Variants in C17orf114 observed in about 807,000 individuals in gnomAD.
C17orf114 encodes chromosome 17 open reading frame 114.
upstream of C17orf114, among the ~76,000 whole-genome samples, chr17:4,803,804 C>T (rs1905574938): frequency 6.6e-6 from 1 of 151,830 alleles, no homozygotes; most frequent in Non-Finnish European, 1.5e-5. Flanking sequence ...TCACTGCAAC[C>T]TCCGTCTCCA....
chr17:4,806,922 CT>C (rs998660202), upstream of C17orf114: 11 of 149,582 alleles, frequency 7.4e-5, no homozygotes, highest in African/African-American at 1.9e-4. Context: ...CCGGGCAGCA[CT>C]TACCCGCCGC....
At chr17:4,806,354 C>T (rs1017816590), upstream of C17orf114, among the ~76,000 whole-genome samples, 48 of 152,258 alleles carry the variant, frequency 3.2e-4, no homozygotes, top group African/African-American at 1.0e-3. Context: ...AAACTATCCA[C>T]GCAAACTTAC....
At chr17:4,805,618 G>A (rs1376964205), upstream of C17orf114, among the ~76,000 whole-genome samples, 1 of 151,244 alleles carries the variant, frequency 6.6e-6, no homozygotes, top group Non-Finnish European at 1.5e-5. Context: ...AGGTTGCAGT[G>A]AGCCGAGATC....
upstream of C17orf114, chr17:4,802,340 G>A (rs1318402185): frequency 2.5e-6 from 1 of 398,918 alleles, no homozygotes; most frequent in African/African-American, 2.1e-5. Context: ...GAGGCGATCA[G>A]AGCTGGGAAT....
chr17:4,805,220 G>A (rs1050406616), upstream of C17orf114, among the ~76,000 whole-genome samples: 4 of 151,378 alleles, frequency 2.6e-5, no homozygotes, highest in Non-Finnish European at 5.9e-5. Flanking sequence ...TTGAGGTCAG[G>A]AGTTCGACGC....
At chr17:4,802,711 A>T (rs1905543363), upstream of C17orf114, among the ~76,000 whole-genome samples, 1 of 152,116 alleles carries the variant, frequency 6.6e-6, no homozygotes, top group Admixed American at 6.6e-5. Flanking sequence ...TTAGAATGAG[A>T]ATTGAAGTGC....
At chr17:4,802,674 G>A (rs918412900), upstream of C17orf114, among the ~76,000 whole-genome samples, 1 of 152,148 alleles carries the variant, frequency 6.6e-6, no homozygotes, top group Non-Finnish European at 1.5e-5. Context: ...GCGCCAGGCT[G>A]GACACCGCTG....
chr17:4,803,576 C>T (rs528420422), upstream of C17orf114, among the ~76,000 whole-genome samples: 3 of 151,532 alleles, frequency 2.0e-5, no homozygotes, highest in Non-Finnish European at 2.9e-5. Flanking sequence ...AGGCGCCCAC[C>T]ACCACACCCG....
upstream of C17orf114, among the ~76,000 whole-genome samples, chr17:4,802,842 T>C (rs891343378): frequency 1.3e-5 from 2 of 152,160 alleles, no homozygotes; most frequent in Non-Finnish European, 1.5e-5. Flanking sequence ...ATGAAGATGA[T>C]TGTAATTGAT....
chr17:4,804,581 A>C (rs1392339721), upstream of C17orf114, among the ~76,000 whole-genome samples: 2 of 147,634 alleles, frequency 1.4e-5, no homozygotes, highest in African/African-American at 2.5e-5. Flanking sequence ...GTACTGCCTG[A>C]GTTACACAGA....
At chr17:4,801,535 A>AGAAGC in intron 1 of C17orf114, 80 bp from the exon 2 acceptor site, 1 of 385,750 alleles carries the variant, frequency 2.6e-6, no homozygotes, top group Non-Finnish European at 4.5e-6. Context: ...TGAGGAGGGA[A>AGAAGC]GAAGCAAGGG....
upstream of C17orf114, among the ~76,000 whole-genome samples, chr17:4,805,264 C>T (rs959609364): frequency 2.0e-5 from 3 of 151,634 alleles, no homozygotes; most frequent in African/African-American, 7.3e-5. Flanking sequence ...CCCGTCTCTA[C>T]TAAAAATACA....
upstream of C17orf114, among the ~76,000 whole-genome samples, chr17:4,806,457 G>A (rs1056117884): frequency 6.6e-5 from 10 of 152,150 alleles, no homozygotes; most frequent in Non-Finnish European, 1.5e-4. Flanking sequence ...AAAAAAGATT[G>A]AAATATCTTG....
chr17:4,801,317 A>G, exon 2 of C17orf114: 1 of 398,712 alleles, frequency 2.5e-6, no homozygotes, highest in Non-Finnish European at 4.4e-6. Context: ...GGCCGATGCT[A>G]TGTCATGCAG....
At chr17:4,805,155 G>C (rs116847262), upstream of C17orf114, among the ~76,000 whole-genome samples, 213 of 152,292 alleles carry the variant, frequency 1.4e-3, 3 homozygotes, top group East Asian at 0.029. Flanking sequence ...TTAAGACCGG[G>C]TGCGGTGGCT....
upstream of C17orf114, among the ~76,000 whole-genome samples, chr17:4,803,370 C>T (rs1219977041): frequency 6.6e-6 from 1 of 151,442 alleles, no homozygotes; most frequent in Non-Finnish European, 1.5e-5. Context: ...AGCTCACAAC[C>T]CTCACCTTGA....
upstream of C17orf114, among the ~76,000 whole-genome samples, chr17:4,804,196 TTTTTC>T (rs1211977606): frequency 1.3e-5 from 2 of 149,228 alleles, no homozygotes; most frequent in Admixed American, 6.7e-5. Flanking sequence ...TGCTGTGTTT[TTTTTC>T]TTTTTTCTTT....
At chr17:4,802,511 C>T (rs1905539520), upstream of C17orf114, among the ~76,000 whole-genome samples, 1 of 152,182 alleles carries the variant, frequency 6.6e-6, no homozygotes, top group Non-Finnish European at 1.5e-5. Flanking sequence ...CATTCAGACA[C>T]CTATTTTTAT....
At chr17:4,801,528 G>GGAGGGAAGAAGC (rs1905507543) in intron 1 of C17orf114, 73 bp from the exon 2 acceptor site, 1 of 392,706 alleles carries the variant, frequency 2.5e-6, no homozygotes, top group African/African-American at 2.1e-5. Context: ...CCAGGGTTGA[G>GGAGGGAAGAAGC]GAGGGAAGAA....
Sources: gnomAD v4.1 joint callset for allele counts (sites outside exome capture counted in the v4.1 genomes callset) on GRCh38, gnomAD v4.1.1 for gene constraint, MANE v1.5 for transcripts, NCBI Gene and HGNC (gene_info 2026-07-23, HGNC 2026-07-21) for gene names.